GTF2H1: variants seen among roughly 807,000 people sequenced by gnomAD.
GTF2H1 encodes BTF2 p62.
A neutral mutation model predicts 71.2 loss-of-function variants in GTF2H1; 16 were observed. The ratio of observed to expected loss-of-function variants is 0.22; its 90% CI spans 0.15 to 0.34. The LOEUF is 0.34. Ranked by LOEUF, GTF2H1 falls within the 10% of genes least tolerant of loss-of-function variation. GTF2H1 has a pLI of 1.00. For missense variants in GTF2H1, 498 were observed against 648.2 expected (o/e 0.77, Z 2.52); for synonymous variants, 215 against 219.0 (o/e 0.98, Z 0.16).
In GTF2H1 at chr11:18,339,677, T is replaced by C. The variant is rs749719158; in HGVS notation, c.607+20T>C. Reference sequence around the variant, plus strand: ...CAGCAGGTAAGAAGAATCAGTTCTTTCAGATGGTTAAAATATATGGATATA... The same window carrying C: ...CAGCAGGTAAGAAGAATCAGTTCTTCCAGATGGTTAAAATATATGGATATA... On this transcript the variant is annotated intron_variant, in intron 5 of 14. Coordinates refer to ENST00000265963, the MANE Select transcript of GTF2H1 (RefSeq NM_005316.4). 4 of 1,347,348 alleles carry C rather than the reference T, an allele frequency of 3.0e-6. No individual in the cohort carries two copies. The highest frequency in any genetic ancestry group is 4.3e-6 in the Non-Finnish European group (4 of 940,312). The allele number at this position is 1,347,348 out of a possible 1,614,324, so 83.5% of individuals were successfully genotyped here. A position where few individuals can be genotyped will look rare whatever the true frequency, so the allele number is the denominator to read the frequency against.
In GTF2H1 at chr11:18,345,611, C is replaced by T. The variant is rs186305956; in HGVS notation, c.838-1977C>T. ...CCTCCCGAGTTCAAGCACTTCTCCT[C>T]CCTCAGCTTCCTGAGTAGGTGGGAT... On this transcript the variant is annotated intron_variant, in intron 7 of 14. Transcript: ENST00000265963. Among the ~76,000 whole-genome samples, 73 of 151,570 alleles carry T rather than the reference C, an allele frequency of 4.8e-4. 1 individual carries two copies. Among genetic ancestry groups the T allele is most frequent in the African/African-American group, 1.6e-3 (66 of 41,282 alleles).
chr11:18,331,969 C>A (rs1352984223), intron 1 of GTF2H1, among the ~76,000 whole-genome samples: 1 of 152,066 alleles, frequency 6.6e-6, no homozygotes, highest in Non-Finnish European at 1.5e-5. Context: ...AAGCAATTCT[C>A]CCCCTTTGGC....
chr11:18,338,620 T>C (rs1363901209), intron 4 of GTF2H1, among the ~76,000 whole-genome samples: 2 of 152,082 alleles, frequency 1.3e-5, no homozygotes, highest in Admixed American at 6.6e-5. Context: ...AATTTTCTTA[T>C]TTTTATAGGG....
chr11:18,343,554 A>G (rs894392215), intron 7 of GTF2H1, among the ~76,000 whole-genome samples: 3 of 152,062 alleles, frequency 2.0e-5, no homozygotes, highest in Non-Finnish European at 4.4e-5. Flanking sequence ...CCATTGCTTT[A>G]CTAGATATGG....
In GTF2H1 at chr11:18,366,675, A is replaced by G. The variant is rs1865831540; in HGVS notation, c.*806A>G. 6.6e-6 allele frequency: 1 copy of G among 152,606 alleles called. No homozygotes were observed. The highest frequency in any genetic ancestry group is 2.1e-4 in the South Asian group (1 of 4,834). 9.5% of individuals were successfully genotyped at this position (152,606 alleles called of 1,614,324 possible). On this transcript the variant is annotated 3_prime_UTR_variant, in exon 15 of 15. Transcript: ENST00000265963. The stretch of plus-strand genomic sequence containing the variant: ...TGTTTTTCTTTGAGTGCAAATGTAC[A>G]TTGCTAAGATTTTTTTAAGATGGCA...
Position 18,351,906 on chromosome 11 carries a change from A to G in GTF2H1, c.1079A>G (p.Tyr360Cys), listed in dbSNP as rs1865435616. 6.3e-7 allele frequency: 1 copy of G among 1,583,024 alleles called. No individual in the cohort carries two copies. The highest frequency in any genetic ancestry group is 8.7e-7 in the Non-Finnish European group (1 of 1,152,136). The change falls in exon 10 of 15, where the codon TAT (tyrosine) becomes TGT (cysteine). Residue 360 changes from tyrosine (Y) to cysteine (C), a missense_variant. Physicochemically the swap from Tyr to Cys is radical, Grantham distance 194. Coordinates refer to ENST00000265963, the MANE Select transcript of GTF2H1 (RefSeq NM_005316.4). ...KRAKLQESIE[Y>C]EDLGKNNSVK... ...GCGAAATTACAAGAGTCCATTGAATATGAAGACTTGGGGAAAAATAATTCT... is the reference window on the plus strand; with the variant it reads ...GCGAAATTACAAGAGTCCATTGAATGTGAAGACTTGGGGAAAAATAATTCT...
At chr11:18,340,040 C>T (rs755136475) in intron 5 of GTF2H1, among the ~76,000 whole-genome samples, 2 of 152,176 alleles carry the variant, frequency 1.3e-5, no homozygotes, top group African/African-American at 4.8e-5. Context: ...ATTCTTCTGA[C>T]TAAGCAGTAC....
intron 3 of GTF2H1, among the ~76,000 whole-genome samples, chr11:18,336,755 G>T (rs1048519812): frequency 1.6e-5 from 2 of 126,460 alleles, no homozygotes; most frequent in African/African-American, 5.4e-5. Flanking sequence ...AAAATAATGA[G>T]AATTTTTTTT....
intron 7 of GTF2H1, 31 bp downstream of exon 7, chr11:18,341,638 A>G: frequency 1.4e-6 from 2 of 1,395,050 alleles, no homozygotes; most frequent in Admixed American, 1.9e-5. Context: ...TTTTGAGAGA[A>G]AAGAGTCTTT....
At position 18,364,523 on chromosome 11, in the gene GTF2H1, G is replaced by C. The variant is rs1865776412; in HGVS notation, c.1561-1260G>C. Among the ~76,000 whole-genome samples the C allele has an allele frequency of 2.0e-5, 3 of 152,250 alleles. No homozygotes were observed. In the South Asian group the frequency reaches 6.2e-4, roughly 32 times the overall value. On this transcript the variant is annotated intron_variant, in intron 14 of 14. Transcript: ENST00000265963. The stretch of plus-strand genomic sequence containing the variant: ...TTGAAATCAGGAGTTTGAGACTATA[G>C]TAAACTAAAATTGCACCTGTGAATA...
chr11:18,346,860 C>T (rs1865307704), intron 7 of GTF2H1, among the ~76,000 whole-genome samples: 2 of 149,574 alleles, frequency 1.3e-5, no homozygotes, highest in Admixed American at 6.7e-5. Flanking sequence ...CTCACTCAGC[C>T]TCCCCAACAG....
intron 9 of GTF2H1, chr11:18,348,218 G>A (rs756101080): frequency 4.9e-6 from 2 of 410,466 alleles, no homozygotes; most frequent in Non-Finnish European, 8.6e-6. Context: ...TGTTCTCTGG[G>A]AATAAAATCT....
chr11:18,335,645 C>A, intron 2 of GTF2H1, 109 bp from the exon 3 acceptor site: 1 of 711,326 alleles, frequency 1.4e-6, no homozygotes, highest in Non-Finnish European at 2.4e-6. Flanking sequence ...TGGAATAGGG[C>A]AGTTAAAGCC....
intron 1 of GTF2H1, among the ~76,000 whole-genome samples, chr11:18,328,801 G>A (rs1053285050): frequency 3.9e-5 from 6 of 151,986 alleles, no homozygotes; most frequent in African/African-American, 1.5e-4. Flanking sequence ...ACTCCTGCCT[G>A]GGTGACAGTG....
chr11:18,342,326 A>G (rs540045573), intron 7 of GTF2H1, among the ~76,000 whole-genome samples: 3 of 130,220 alleles, frequency 2.3e-5, no homozygotes, highest in African/African-American at 5.7e-5. Context: ...CAGTGGCGCA[A>G]TCTTGGCTCA....
chr11:18,365,934 A>G lies in GTF2H1; in HGVS notation c.*65A>G. ...ACTATGACCTGCAGCAACTCTGGAA[A>G]CCTGGCCTGACAGACAAGCAGATGA... On this transcript the variant is annotated 3_prime_UTR_variant, in exon 15 of 15. Coordinates refer to ENST00000265963, the MANE Select transcript of GTF2H1 (RefSeq NM_005316.4). The G allele has an allele frequency of 9.3e-7, 1 of 1,077,544 alleles. No individual in the cohort carries two copies. The highest frequency in any genetic ancestry group is 1.4e-6 in the Non-Finnish European group (1 of 705,448). 66.7% of individuals were successfully genotyped at this position (1,077,544 alleles called of 1,614,324 possible). A position where few individuals can be genotyped will look rare whatever the true frequency, so the allele number is the denominator to read the frequency against.
intron 1 of GTF2H1, among the ~76,000 whole-genome samples, chr11:18,329,254 A>G (rs925887773): frequency 1.3e-5 from 2 of 152,236 alleles, no homozygotes; most frequent in African/African-American, 2.4e-5. Flanking sequence ...AAATGCCTAC[A>G]TAATGCAGAC....
At chr11:18,342,683 A>T (rs147956641) in intron 7 of GTF2H1, among the ~76,000 whole-genome samples, 1 of 152,330 alleles carries the variant, frequency 6.6e-6, no homozygotes, top group East Asian at 1.9e-4. Flanking sequence ...AATAAAGCTT[A>T]GTGGCGCTTA....
chr11:18,347,711 A>G lies in GTF2H1; in HGVS notation c.961A>G (p.Lys321Glu). 6.2e-7 allele frequency: 1 copy of G among 1,613,636 alleles called. No homozygotes were observed. The highest frequency in any genetic ancestry group is 2.2e-5 in the East Asian group (1 of 44,886). Residue 321 changes from lysine to glutamate, a missense_variant, in exon 8 of 15, where the codon AAA (lysine) becomes GAA (glutamate). Around this residue, in one of 3 missense-constraint regions of GTF2H1, gnomAD observed 266 missense variants for 301.6 expected, o/e 0.88. Transcript: ENST00000265963. Reference sequence around the variant, plus strand: ...CATGGTCCTGGCAGCTGGACTCAGAAAACAGTTAAGTATAAATGCAGAGGT... The same window carrying G: ...CATGGTCCTGGCAGCTGGACTCAGAGAACAGTTAAGTATAAATGCAGAGGT... ...SAMVLAAGLRKQEAQNEQTSE... is the reference protein window; with the variant it reads ...SAMVLAAGLREQEAQNEQTSE...
Sources: gnomAD v4.1 joint callset for allele counts (sites outside exome capture counted in the v4.1 genomes callset) on GRCh38, gnomAD v4.1.1 for gene constraint, gnomAD v4.1.1 regional missense constraint, MANE v1.5 for transcripts, NCBI Gene and HGNC (gene_info 2026-07-23, HGNC 2026-07-21) for gene names.